Variants in PCDHA1 observed in about 807,000 individuals in gnomAD.
PCDHA1 encodes the protein protocadherin alpha 1.
In PCDHA1, 42 loss-of-function variants were observed where a neutral mutation model predicts 61.3. The observed-to-expected ratio is 0.69, with a 90% CI of 0.54 to 0.89. The LOEUF is 0.89. Among genes scored for constraint, PCDHA1 ranks in the 40% least tolerant of loss-of-function variants. The pLI is 0.00. For synonymous variants in PCDHA1, 610 were observed against 553.8 expected (o/e 1.10, Z -1.43); for missense variants, 1,256 against 1,235.3 (o/e 1.02, Z -0.25).
chr5:140,870,750 G>T, intron 1 of PCDHA1: 1 of 1,613,506 alleles, frequency 6.2e-7, no homozygotes, highest in Non-Finnish European at 8.5e-7. Flanking sequence ...GCAACGTGAC[G>T]CTGCAGGTGT....
chr5:141,002,261 C>A (rs373363788), intron 3 of PCDHA1, among the ~76,000 whole-genome samples: 1 of 152,224 alleles, frequency 6.6e-6, no homozygotes, highest in East Asian at 1.9e-4. Context: ...CACTGAAATC[C>A]CAGAGCTGGT....
chr5:140,834,240 C>A, intron 1 of PCDHA1: 1 of 807,006 alleles, frequency 1.2e-6, no homozygotes, highest in Non-Finnish European at 1.9e-6. Flanking sequence ...CATTCCTTTT[C>A]GCACTGGAAA....
intron 1 of PCDHA1, among the ~76,000 whole-genome samples, chr5:140,898,193 A>G (rs1352716396): frequency 1.7e-4 from 26 of 152,114 alleles, no homozygotes; most frequent in African/African-American, 5.3e-4. Flanking sequence ...CTTTAGTTTA[A>G]TTAGATCCCA....
At chr5:140,876,894 C>G in intron 1 of PCDHA1, 2 of 1,614,132 alleles carry the variant, frequency 1.2e-6, no homozygotes, top group Non-Finnish European at 1.7e-6. Context: ...GCTGCCACAT[C>G]TTCACGGTGT....
Position 141,009,778 on chromosome 5 carries a change from C to T in PCDHA1, c.2694C>T (p.Ser898=). Residue 898 remains serine, a synonymous_variant, in exon 4 of 4, where the codon TCC becomes TCT. Transcript: ENST00000504120. ...FIIPGSPAII[S]IRQEPTNSQI... ...TCCCAGGATCTCCTGCAATCATCTCCATCCGGCAGGAGCCTACTAACAGCC... is the reference window on the plus strand; with the variant it reads ...TCCCAGGATCTCCTGCAATCATCTCTATCCGGCAGGAGCCTACTAACAGCC... 1.2e-6 allele frequency: 2 copies of T among 1,614,122 alleles called. No homozygotes were observed.
Position 140,828,817 on chromosome 5 carries a change from C to G in PCDHA1, c.2394+40133C>G. On this transcript the variant is annotated intron_variant, in intron 1 of 3. Coordinates refer to ENST00000504120, the MANE Select transcript of PCDHA1 (RefSeq NM_018900.4). ...ATGTGAATGATAATGCTCCCACTTT[C>G]GAACAGTCTGAATACGAAGTAAGAA... 3 of 1,614,148 alleles carry G rather than the reference C, an allele frequency of 1.9e-6. No individual in the cohort carries two copies. The African/African-American group carries it at 4.0e-5, about 22-fold the overall frequency.
At chr5:140,828,891 C>T (rs2150160213) in intron 1 of PCDHA1, 9 of 1,614,240 alleles carry the variant, frequency 5.6e-6, no homozygotes, top group Non-Finnish European at 7.6e-6. Context: ...CTGAATGCTT[C>T]TGATCGGGAT....
chr5:140,967,749 C>G (rs1554229896), intron 1 of PCDHA1: 1 of 1,614,172 alleles, frequency 6.2e-7, no homozygotes, highest in Non-Finnish European at 8.5e-7. Context: ...TATGAGGAAG[C>G]CTCCTCCTAC....
chr5:141,004,888 G>A lies in PCDHA1; in HGVS notation c.2543-4739G>A, dbSNP rs555046086. ...TTTCTCATCCCTAAAGTGCTATTGT[G>A]TCAGCTCTGCCAGGGTGTAAGGAAA... On this transcript the variant is annotated intron_variant, in intron 3 of 3. Transcript: ENST00000504120. Among the ~76,000 whole-genome samples the A allele has an allele frequency of 2.0e-5, 3 of 152,250 alleles. No individual in the cohort carries two copies. The East Asian group carries it at 5.8e-4, about 29-fold the overall frequency.
Position 140,857,860 on chromosome 5 carries a change from G to A in PCDHA1, c.2394+69176G>A, listed in dbSNP as rs532607436. On this transcript the variant is annotated intron_variant, in intron 1 of 3. Transcript: ENST00000504120. ...TGGACGCTGACTCTGGATACAACGC[G>A]TGGCTGTCGTATGAATTGCAGTCGG... 1.9e-6 allele frequency: 3 copies of A among 1,597,882 alleles called. 1 individual carries two copies. Among genetic ancestry groups the A allele is most frequent in the South Asian group, 1.1e-5 (1 of 90,496 alleles).
At chr5:140,978,520 C>T (rs2096807249) in intron 1 of PCDHA1, among the ~76,000 whole-genome samples, 1 of 152,214 alleles carries the variant, frequency 6.6e-6, no homozygotes, top group Non-Finnish European at 1.5e-5. Flanking sequence ...GCAGTCCAGC[C>T]AGGCCAGCAG....
At position 140,882,742 on chromosome 5, in the gene PCDHA1, C is replaced by G. The variant is rs372229324; in HGVS notation, c.2394+94058C>G. Reference sequence around the variant, plus strand: ...CTCGATTTCCACTAGATGGCGCATCCGATGCAGATATTGGAGTAAACTCGG... The same window carrying G: ...CTCGATTTCCACTAGATGGCGCATCGGATGCAGATATTGGAGTAAACTCGG... On this transcript the variant is annotated intron_variant, in intron 1 of 3. Coordinates refer to ENST00000504120, the MANE Select transcript of PCDHA1 (RefSeq NM_018900.4). 126 of 1,614,092 alleles carry G rather than the reference C, an allele frequency of 7.8e-5. 1 individual carries two copies. The Middle Eastern group carries it at 1.6e-3, about 21-fold the overall frequency.
intron 1 of PCDHA1, chr5:140,881,433 T>A (rs1554172102): frequency 1.1e-6 from 1 of 872,990 alleles, no homozygotes; most frequent in African/African-American, 1.8e-5. Context: ...AGGCATATTT[T>A]ATAAAAACAG....
In PCDHA1 at chr5:140,870,510, A is replaced by G. The variant is rs185967358; in HGVS notation, c.2394+81826A>G. On this transcript the variant is annotated intron_variant, in intron 1 of 3. Transcript: ENST00000504120. ...TGTTCGTGAAGGAGAACAACCCACCAGGCTGCCACATCTTCACAGTGTCGG... is the reference window on the plus strand; with the variant it reads ...TGTTCGTGAAGGAGAACAACCCACCGGGCTGCCACATCTTCACAGTGTCGG... 4.8e-3 allele frequency: 7,668 copies of G among 1,614,220 alleles called. 19 individuals carry two copies. The highest frequency in any genetic ancestry group is 5.8e-3 in the Non-Finnish European group (6,886 of 1,180,042).
intron 1 of PCDHA1, among the ~76,000 whole-genome samples, chr5:140,944,956 A>T (rs2093715486): frequency 6.6e-6 from 1 of 152,140 alleles, no homozygotes; most frequent in Non-Finnish European, 1.5e-5. Context: ...GAATAAGAGT[A>T]TTATCTTAAC....
At chr5:140,889,160 A>T (rs1582978614) in intron 1 of PCDHA1, among the ~76,000 whole-genome samples, 1 of 151,778 alleles carries the variant, frequency 6.6e-6, no homozygotes, top group Middle Eastern at 3.4e-3. Context: ...TTCTTTGTTA[A>T]GTATTCAAGT....
At chr5:140,871,089 C>T in intron 1 of PCDHA1, 1 of 1,613,254 alleles carries the variant, frequency 6.2e-7, no homozygotes, top group Non-Finnish European at 8.5e-7. Flanking sequence ...CGGCCACGGC[C>T]ACCGTGCTGG....
At chr5:140,823,457 C>T (rs1181395519) in intron 1 of PCDHA1, 4 of 1,613,302 alleles carry the variant, frequency 2.5e-6, no homozygotes, top group Non-Finnish European at 3.4e-6. Flanking sequence ...AACGACAACG[C>T]GCCGGCGCTG....
chr5:140,838,651 G>A (rs1775818382), intron 1 of PCDHA1, among the ~76,000 whole-genome samples: 1 of 151,988 alleles, frequency 6.6e-6, no homozygotes, highest in Non-Finnish European at 1.5e-5. Context: ...AAAAATGATA[G>A]TTAACGGGGC....
Sources: gnomAD v4.1 joint callset for allele counts (sites outside exome capture counted in the v4.1 genomes callset) on GRCh38, gnomAD v4.1.1 for gene constraint, MANE v1.5 for transcripts, NCBI Gene and HGNC (gene_info 2026-07-23, HGNC 2026-07-21) for gene names.